NOTCH2: variants seen among roughly 807,000 people sequenced by gnomAD.
NOTCH2 encodes the protein notch receptor 2.
A neutral mutation model predicts 235.8 loss-of-function variants in NOTCH2; 29 were observed. The ratio of observed to expected loss-of-function variants is 0.12; its 90% CI spans 0.09 to 0.17. The LOEUF (loss-of-function observed/expected upper bound fraction) is 0.17. NOTCH2 is among the 10% of genes least tolerant of loss of function. The pLI is 1.00. For missense variants in NOTCH2, 2,285 were observed against 3,150.2 expected (o/e 0.73, Z 6.57); for synonymous variants, 1,086 against 1,141.5 (o/e 0.95, Z 0.98).
rs374224226 is a variant in NOTCH2, at chr1:119,987,048, A to G, written c.786T>C (p.Asp262=). ...TCTGACACCTGTGGTTAGGGCAGTCATCAATATTCCTCTCACAGGTGCTCC... is the reference window on the plus strand; with the variant it reads ...TCTGACACCTGTGGTTAGGGCAGTCGTCAATATTCCTCTCACAGGTGCTCC... ...FEGSTCERNI[D]DCPNHRCQNG... Residue 262 remains aspartate, a synonymous_variant, in exon 5 of 34, where the codon GAT becomes GAC. Coordinates refer to ENST00000256646, the MANE Select transcript of NOTCH2 (RefSeq NM_024408.4). 179 of 1,613,734 alleles carry G rather than the reference A, an allele frequency of 1.1e-4. 3 individuals are homozygous for G. Among genetic ancestry groups the G allele is most frequent in the East Asian group, 2.0e-4 (9 of 44,868 alleles).
At chr1:120,046,149 C>T (rs1335791686) in intron 1 of NOTCH2, among the ~76,000 whole-genome samples, 2 of 140,488 alleles carry the variant, frequency 1.4e-5, no homozygotes, top group East Asian at 3.9e-4. Flanking sequence ...TACATATGCG[C>T]TCAAGAGTAT....
At chr1:120,002,421 A>G (rs1553205535) in intron 3 of NOTCH2, among the ~76,000 whole-genome samples, 1 of 151,384 alleles carries the variant, frequency 6.6e-6, no homozygotes, top group South Asian at 2.1e-4. Flanking sequence ...GTCTCTTAGT[A>G]TTACCATGCC....
chr1:120,025,087 A>T (rs1490182956), intron 2 of NOTCH2, among the ~76,000 whole-genome samples: 2 of 151,944 alleles, frequency 1.3e-5, no homozygotes, highest in Admixed American at 1.3e-4. Flanking sequence ...AAGTCCTGTG[A>T]TACTGAGGAG....
intron 1 of NOTCH2, among the ~76,000 whole-genome samples, chr1:120,031,310 AAAT>A (rs1553210962): frequency 1.5e-5 from 2 of 136,842 alleles, no homozygotes; most frequent in African/African-American, 5.5e-5. Context: ...CCCATCCTTG[AAAT>A]AATATTTTTA....
chr1:119,950,545 A>G (rs1483422503), intron 15 of NOTCH2, 179 bp downstream of exon 15: 13 of 701,902 alleles, frequency 1.9e-5, no homozygotes, highest in Middle Eastern at 2.3e-4. Flanking sequence ...CTTGCATCTT[A>G]GGAGGCCACA....
intron 1 of NOTCH2, among the ~76,000 whole-genome samples, chr1:120,043,038 G>T (rs1250375238): frequency 6.6e-6 from 1 of 151,306 alleles, no homozygotes; most frequent in Admixed American, 6.6e-5. Context: ...AGTAAAATGA[G>T]AGTAACAGGC....
Position 119,919,570 on chromosome 1 carries a change from G to T in NOTCH2, c.5523C>A (p.Ser1841Arg), listed in dbSNP as rs762907328. 6.2e-7 allele frequency: 1 copy of T among 1,614,046 alleles called. No homozygotes were observed. Among genetic ancestry groups the T allele is most frequent in the Non-Finnish European group, 8.5e-7 (1 of 1,180,050 alleles). ...CTTCATCTTCATCACTCAAATCTGA[G>T]CTGCCTCCTCGGAGAGAAGCCAACA... ...PLMLASLRGG[S>R]SDLSDEDEDA... The change falls in exon 31 of 34, where the codon AGC (serine) becomes AGA (arginine). Residue 1841 changes from serine to arginine, a missense_variant. By Grantham distance (110) the Ser-to-Arg change is moderately radical. This residue lies in a region of NOTCH2 where 1,173 missense variants were observed against 1,515.3 expected (regional missense o/e 0.77). Transcript: ENST00000256646.
At chr1:119,995,624 A>T (rs1652410668) in intron 4 of NOTCH2, 1 of 152,240 alleles carries the variant, frequency 6.6e-6, no homozygotes, top group African/African-American at 2.4e-5. Flanking sequence ...TAGTAATATT[A>T]TGTTAAGAAA....
rs146407046 is a variant in NOTCH2 at position 119,939,440 on chromosome 1, T to C, written c.3183+1115A>G. ...AGCTGTCAGACAGGTTCATACTTTC[T>C]GTGCTAATCCTGTGTGAGAAATCCA... On this transcript the variant is annotated intron_variant, in intron 19 of 33. Coordinates refer to ENST00000256646, the MANE Select transcript of NOTCH2 (RefSeq NM_024408.4). Among the ~76,000 whole-genome samples, 108 of 152,374 alleles carry C rather than the reference T, an allele frequency of 7.1e-4. 1 individual carries two copies. The East Asian group carries it at 0.017, about 24-fold the overall frequency.
intron 1 of NOTCH2, among the ~76,000 whole-genome samples, chr1:120,055,529 A>C (rs587723627): frequency 1.5e-4 from 18 of 116,510 alleles, no homozygotes; most frequent in African/African-American, 6.0e-4. Flanking sequence ...CATATTCTAT[A>C]AACTGTGTGC....
intron 10 of NOTCH2, 81 bp downstream of exon 10, chr1:119,965,372 C>A: frequency 9.2e-7 from 1 of 1,085,536 alleles, no homozygotes; most frequent in Non-Finnish European, 1.4e-6. Flanking sequence ...CCTGGCACAG[C>A]AGCTAGCAGA....
intron 18 of NOTCH2, 26 bp from the exon 19 acceptor site, chr1:119,940,782 G>T: frequency 6.3e-7 from 1 of 1,594,706 alleles, no homozygotes; most frequent in Non-Finnish European, 8.6e-7. Context: ...AGCAACATCA[G>T]CTATGTATCT....
intron 11 of NOTCH2, among the ~76,000 whole-genome samples, chr1:119,963,323 G>C (rs1651015043): frequency 6.6e-6 from 1 of 152,176 alleles, no homozygotes; most frequent in Non-Finnish European, 1.5e-5. Context: ...GAAGTGGTAT[G>C]CCTCTATTTA....
At chr1:119,928,253 G>A (rs763137949) in intron 23 of NOTCH2, among the ~76,000 whole-genome samples, 9 of 152,216 alleles carry the variant, frequency 5.9e-5, no homozygotes, top group Admixed American at 1.3e-4. Context: ...TGGGAACAGA[G>A]TAGGAACATG....
chr1:119,937,775 C>T, intron 20 of NOTCH2, 82 bp downstream of exon 20: 2 of 1,548,418 alleles, frequency 1.3e-6, no homozygotes, highest in Non-Finnish European at 1.8e-6. Context: ...TCTTATTCCA[C>T]AAAAAAATGA....
intron 7 of NOTCH2, 28 bp downstream of exon 7, chr1:119,968,049 C>A (rs1553199917): frequency 1.9e-6 from 3 of 1,613,586 alleles, no homozygotes; most frequent in Non-Finnish European, 2.5e-6. Flanking sequence ...AGACACTTCA[C>A]AGAACAGAAA....
chr1:119,953,401 A>T, intron 14 of NOTCH2, 142 bp downstream of exon 14: 2 of 847,266 alleles, frequency 2.4e-6, no homozygotes, highest in South Asian at 2.8e-5. Context: ...TTATTCCCCA[A>T]GTGCCTTACA....
rs191993408 is a variant in NOTCH2 at position 119,970,827 on chromosome 1, T to A, written c.875-1083A>T. Among the ~76,000 whole-genome samples the A allele has an allele frequency of 3.3e-5, 5 of 152,326 alleles. No individual in the cohort carries two copies. In the East Asian group the frequency reaches 9.7e-4, roughly 29 times the overall value. ...GGAACTAAAATTTAGATCATCCGAA[T>A]TCTCTAAAACATGACAAGTTGTTGA... On this transcript the variant is annotated intron_variant, in intron 5 of 33. Coordinates refer to ENST00000256646, the MANE Select transcript of NOTCH2 (RefSeq NM_024408.4).
At chr1:120,025,871 G>A (rs1343899354) in intron 2 of NOTCH2, among the ~76,000 whole-genome samples, 2 of 105,812 alleles carry the variant, frequency 1.9e-5, no homozygotes, top group Non-Finnish European at 3.6e-5. Context: ...GTTTATATTT[G>A]AAAGTCTGAA....
Sources: gnomAD v4.1 joint callset for allele counts (sites outside exome capture counted in the v4.1 genomes callset) on GRCh38, gnomAD v4.1.1 for gene constraint, gnomAD v4.1.1 regional missense constraint, MANE v1.5 for transcripts, NCBI Gene and HGNC (gene_info 2026-07-23, HGNC 2026-07-21) for gene names.